The following PTGS2 variants were observed in gnomAD, a reference collection of about 807,000 sequenced individuals.
PTGS2 encodes prostaglandin G/H synthase 2.
Under a neutral mutation model 63.8 loss-of-function variants are expected in PTGS2, and 14 were observed. The ratio of observed to expected loss-of-function variants is 0.22; its 90% confidence interval spans 0.14 to 0.34. The LOEUF is 0.34. Ranked by LOEUF, PTGS2 falls within the 10% of genes least tolerant of loss-of-function variation. The probability of loss-of-function intolerance (pLI) is 1.00; values close to 1 mark genes in which losing one functional copy is unlikely to be tolerated. For missense variants in PTGS2, 533 were observed against 738.5 expected (o/e 0.72, Z 3.23); for synonymous variants, 271 against 259.5 (o/e 1.04, Z -0.43).
chr1:186,675,535 T>C (rs1665764926), intron 8 of PTGS2, 139 bp from the exon 9 acceptor site: 1 of 995,140 alleles, frequency 1.0e-6, no homozygotes. Flanking sequence ...GATGCTTACC[T>C]ACATTTCAAC....
chr1:186,675,767 A>G (rs1665768272), intron 8 of PTGS2, 131 bp downstream of exon 8: 4 of 1,009,064 alleles, frequency 4.0e-6, no homozygotes, highest in Non-Finnish European at 5.6e-6. Flanking sequence ...GGCTTCTTAT[A>G]TCAATAAAAT....
At chr1:186,674,834 T>C in intron 9 of PTGS2, 72 bp from the exon 10 acceptor site, 1 of 1,469,692 alleles carries the variant, frequency 6.8e-7, no homozygotes, top group Non-Finnish European at 9.1e-7. Context: ...TTGATTCTTT[T>C]GCTCAATTTG....
chr1:186,678,928 G>T, intron 3 of PTGS2, 130 bp downstream of exon 3: 2 of 1,185,220 alleles, frequency 1.7e-6, no homozygotes, highest in Non-Finnish European at 2.3e-6. Flanking sequence ...AAGATGGAAG[G>T]CAAACTTAAA....
At chr1:186,677,082 T>C (rs1266588193) in intron 5 of PTGS2, among the ~76,000 whole-genome samples, 166 bp from the exon 6 acceptor site, 2 of 152,154 alleles carry the variant, frequency 1.3e-5, no homozygotes, top group Admixed American at 1.3e-4. Context: ...TTAATTTGTT[T>C]ATCCACCAAA....
At chr1:186,680,207 G>C (rs1221487095) in intron 1 of PTGS2, 32 bp downstream of exon 1, 3 of 1,549,702 alleles carry the variant, frequency 1.9e-6, no homozygotes, top group East Asian at 4.9e-5. Context: ...GCGTGGAACC[G>C]GAGTCCCCGG....
chr1:186,672,363 T>C lies in PTGS2; in HGVS notation c.*1990A>G, dbSNP rs1055043699. On this transcript the variant is annotated 3_prime_UTR_variant, in exon 10 of 10. Coordinates refer to ENST00000367468, the MANE Select transcript of PTGS2 (RefSeq NM_000963.4). ...CTTTGTGGGCTAGCACATAGGCCTA[T>C]CCTAAGGACAAACATTCAACCTTAA... 1.3e-5 allele frequency: 2 copies of C among 152,126 alleles called. No homozygotes were observed. The highest frequency in any genetic ancestry group is 4.8e-5 in the African/African-American group (2 of 41,454). 9.4% of individuals were successfully genotyped at this position (152,126 alleles called of 1,614,324 possible).
At chr1:186,678,706 T>G (rs534503739) in intron 3 of PTGS2, among the ~76,000 whole-genome samples, 75 of 152,206 alleles carry the variant, frequency 4.9e-4, no homozygotes, top group African/African-American at 1.5e-3. Flanking sequence ...TTTAGAATCA[T>G]GGAAAGTTAT....
Position 186,679,451 on chromosome 1 carries a change from G to A in PTGS2, c.53-13C>T. On this transcript the variant is annotated splice_polypyrimidine_tract_variant and intron_variant, in intron 1 of 9. Coordinates refer to ENST00000367468, the MANE Select transcript of PTGS2 (RefSeq NM_000963.4). ...CAGCAAGGATTTGCTGCAATTAAAG[G>A]ACAGCAAATAAATCATTCTCTAGTG... The A allele has an allele frequency of 6.4e-7, 1 of 1,561,300 alleles. No homozygotes were observed.
chr1:186,673,520 A>G lies in PTGS2; in HGVS notation c.*833T>C, dbSNP rs975986038. 1 of 152,216 alleles carries G rather than the reference A, an allele frequency of 6.6e-6. No homozygotes were observed. The highest frequency in any genetic ancestry group is 1.5e-5 in the Non-Finnish European group (1 of 68,008). 9.4% of individuals were successfully genotyped at this position (152,216 alleles called of 1,614,324 possible). The stretch of plus-strand genomic sequence containing the variant: ...TATAAACAAATTCTGGAATATCTCA[A>G]CAAAATATTCTTATTTTAAGATAAC... On this transcript the variant is annotated 3_prime_UTR_variant, in exon 10 of 10. Coordinates refer to ENST00000367468, the MANE Select transcript of PTGS2 (RefSeq NM_000963.4).
intron 8 of PTGS2, 24 bp from the exon 9 acceptor site, chr1:186,675,420 A>C (rs1462467501): frequency 2.5e-6 from 4 of 1,605,738 alleles, no homozygotes; most frequent in Non-Finnish European, 3.4e-6. Flanking sequence ...AATTAGTTGT[A>C]AAACAAGAAT....
rs1415790734 is a variant in PTGS2 at position 186,672,202 on chromosome 1, T to G, written c.*2151A>C. 2 of 152,122 alleles carry G rather than the reference T, an allele frequency of 1.3e-5. No individual in the cohort carries two copies. The highest frequency in any genetic ancestry group is 2.9e-5 in the Non-Finnish European group (2 of 67,980). 9.4% of individuals were successfully genotyped at this position (152,122 alleles called of 1,614,324 possible). Reference sequence around the variant, plus strand: ...GTAATCAGCGTTTGATTTAAAAATATTAAAACCCACAGTGCTTGACACAGA... The same window carrying G: ...GTAATCAGCGTTTGATTTAAAAATAGTAAAACCCACAGTGCTTGACACAGA... On this transcript the variant is annotated 3_prime_UTR_variant, in exon 10 of 10. Transcript: ENST00000367468.
intron 3 of PTGS2, 57 bp from the exon 4 acceptor site, chr1:186,678,461 C>G: frequency 1.4e-6 from 2 of 1,450,314 alleles, no homozygotes; most frequent in Non-Finnish European, 1.9e-6. Flanking sequence ...AGTAAATCAA[C>G]CATTATTTTT....
Position 186,677,823 on chromosome 1 carries a change from C to T in PTGS2, c.465G>A (p.Lys155=). ...CAATCTCATTTGAATCAGGAAGCTG[C>T]TTTTTACCTGAAAAATGAGAAAGCT... ...CPTPLGVKGK[K]QLPDSNEIVE... Residue 155 remains lysine, a synonymous_variant, in exon 5 of 10, where the codon AAG becomes AAA. Coordinates refer to ENST00000367468, the MANE Select transcript of PTGS2 (RefSeq NM_000963.4). The T allele has an allele frequency of 6.2e-7, 1 of 1,612,978 alleles. No individual in the cohort carries two copies. The highest frequency in any genetic ancestry group is 8.5e-7 in the Non-Finnish European group (1 of 1,179,682).
In PTGS2 at chr1:186,674,535, T is replaced by C; in HGVS notation, c.1633A>G (p.Ile545Val). Reference protein sequence around the residue: ...TFGGEVGFQIINTASIQSLIC... With the variant: ...TFGGEVGFQIVNTASIQSLIC... ...AGAGACTGAATTGAGGCAGTGTTGATGATTTGAAAACCCACTTCTCCACCA... is the reference window on the plus strand; with the variant it reads ...AGAGACTGAATTGAGGCAGTGTTGACGATTTGAAAACCCACTTCTCCACCA... Residue 545 changes from isoleucine to valine, a missense_variant, in exon 10 of 10, where the codon ATC becomes GTC. By Grantham distance (29) the Ile-to-Val change is conservative. Coordinates refer to ENST00000367468, the MANE Select transcript of PTGS2 (RefSeq NM_000963.4). The C allele has an allele frequency of 8.1e-6, 13 of 1,614,210 alleles. No individual in the cohort carries two copies. The highest frequency in any genetic ancestry group is 1.1e-5 in the Non-Finnish European group (13 of 1,180,032).
Position 186,674,257 on chromosome 1 carries a change from A to T in PTGS2, c.*96T>A, listed in dbSNP as rs542780589. The T allele has an allele frequency of 3.0e-5, 24 of 804,596 alleles. No individual in the cohort carries two copies. The South Asian group carries it at 1.3e-3, about 43-fold the overall frequency. The allele number at this position is 804,596 out of a possible 1,614,324, so 49.8% of individuals were successfully genotyped here. A position where few individuals can be genotyped will look rare whatever the true frequency, so the allele number is the denominator to read the frequency against. Reference sequence around the variant, plus strand: ...GGAGTACTGACTTCTGTTACAGAAGATGTTAAGTAACATAAGGAGTTTAAT... The same window carrying T: ...GGAGTACTGACTTCTGTTACAGAAGTTGTTAAGTAACATAAGGAGTTTAAT... On this transcript the variant is annotated 3_prime_UTR_variant, in exon 10 of 10. Transcript: ENST00000367468.
intron 8 of PTGS2, 122 bp downstream of exon 8, chr1:186,675,776 A>G: frequency 9.3e-7 from 1 of 1,070,870 alleles, no homozygotes; most frequent in East Asian, 2.6e-5. Flanking sequence ...TATCAATAAA[A>G]TAATTTTACT....
At chr1:186,676,226 G>C in intron 7 of PTGS2, 42 bp from the exon 8 acceptor site, 1 of 1,517,690 alleles carries the variant, frequency 6.6e-7, no homozygotes, top group South Asian at 1.3e-5. Flanking sequence ...TATTGCATCT[G>C]ATCACAAGCT....
rs775591657 is a variant in PTGS2, at chr1:186,674,334, A to T, written c.*19T>A. On this transcript the variant is annotated 3_prime_UTR_variant, in exon 10 of 10. Transcript: ENST00000367468. Reference sequence around the variant, plus strand: ...ATAGACATGGTTCATATAAATAAATAAATATGATCATTAGACTTCTACAGT... The same window carrying T: ...ATAGACATGGTTCATATAAATAAATTAATATGATCATTAGACTTCTACAGT... 7.0e-7 allele frequency: 1 copy of T among 1,425,410 alleles called. No individual in the cohort carries two copies. Among genetic ancestry groups the T allele is most frequent in the South Asian group, 1.6e-5 (1 of 64,492 alleles). The allele number at this position is 1,425,410 out of a possible 1,614,324, so 88.3% of individuals were successfully genotyped here.
Position 186,676,691 on chromosome 1 carries a change from G to A in PTGS2, c.746C>T (p.Pro249Leu). The A allele has an allele frequency of 6.2e-7, 1 of 1,612,902 alleles. No individual in the cohort carries two copies. The highest frequency in any genetic ancestry group is 8.5e-7 in the Non-Finnish European group (1 of 1,179,338). ...KYQIIDGEMY[P>L]PTVKDTQAEM... ...TGCCTGAGTATCTTTGACTGTGGGAGGATACATCTCTCCATCAATTATCTA... is the reference window on the plus strand; with the variant it reads ...TGCCTGAGTATCTTTGACTGTGGGAAGATACATCTCTCCATCAATTATCTA... Residue 249 changes from proline to leucine, a missense_variant, in exon 7 of 10, where the codon CCT becomes CTT. This residue lies in a region of PTGS2 where 118 missense variants were observed against 138.7 expected (regional missense o/e 0.85). Transcript: ENST00000367468.
Sources: allele counts gnomAD v4.1 joint callset (sites outside exome capture counted in the v4.1 genomes callset), GRCh38; gene constraint gnomAD v4.1.1; regional missense constraint gnomAD v4.1.1; transcripts MANE v1.5; gene names NCBI Gene and HGNC (gene_info 2026-07-23, HGNC 2026-07-21).